The following USP34 variants were observed in gnomAD, a reference collection of about 807,000 sequenced individuals.
USP34 encodes ubiquitin specific peptidase 34.
USP34 carries 70 observed loss-of-function variants against 460.3 expected under a neutral mutation model. The ratio of observed to expected loss-of-function variants is 0.15; its 90% CI spans 0.13 to 0.19. The LOEUF is 0.19. USP34 is among the 10% of genes least tolerant of loss of function. The probability of loss-of-function intolerance (pLI) is 1.00; values close to 1 mark genes in which losing one functional copy is unlikely to be tolerated. For synonymous variants in USP34, 1,647 were observed against 1,405.3 expected (o/e 1.17, Z -3.85); for missense variants, 3,985 against 4,236.2 (o/e 0.94, Z 1.65).
chr2:61,405,685 T>C, intron 3 of USP34, 23 bp downstream of exon 3: 1 of 1,502,166 alleles, frequency 6.7e-7, no homozygotes, highest in Non-Finnish European at 8.9e-7. Flanking sequence ...TTACTTAAAA[T>C]TCACACCACC....
At chr2:61,273,570 T>C (rs758708370) in intron 41 of USP34, among the ~76,000 whole-genome samples, 50 of 152,026 alleles carry the variant, frequency 3.3e-4, no homozygotes, top group Admixed American at 5.9e-4. Flanking sequence ...ATACTAAAAT[T>C]AGCTGGGTGT....
intron 43 of USP34, among the ~76,000 whole-genome samples, chr2:61,264,948 C>G (rs1004332076): frequency 6.6e-6 from 1 of 152,152 alleles, no homozygotes; most frequent in Non-Finnish European, 1.5e-5. Flanking sequence ...AGAGCTTACA[C>G]AAACAAATTA....
At chr2:61,324,929 A>G (rs1204955484) in intron 21 of USP34, among the ~76,000 whole-genome samples, 1 of 152,164 alleles carries the variant, frequency 6.6e-6, no homozygotes, top group Non-Finnish European at 1.5e-5. Context: ...AAAGAATGAA[A>G]TCATGTCCTT....
chr2:61,335,342 G>A (rs1558535516), intron 18 of USP34, among the ~76,000 whole-genome samples: 1 of 152,178 alleles, frequency 6.6e-6, no homozygotes, highest in Non-Finnish European at 1.5e-5. Flanking sequence ...AAAGGGAAGT[G>A]TTATAGTCAA....
intron 1 of USP34, among the ~76,000 whole-genome samples, chr2:61,469,321 T>C (rs997727336): frequency 6.6e-6 from 1 of 152,220 alleles, no homozygotes; most frequent in Non-Finnish European, 1.5e-5. Context: ...ATCACACGAC[T>C]TGTATGTGAG....
rs769258551 is a variant in USP34, at chr2:61,236,272, T to G, written c.6843-36A>C. On this transcript the variant is annotated intron_variant, in intron 54 of 79. Coordinates refer to ENST00000398571, the MANE Select transcript of USP34 (RefSeq NM_014709.4). ...AAAATAATCATTTAAAATTCACACG[T>G]AAGATTTTTTTAAAATGTGTAAAAT... The G allele has an allele frequency of 1.3e-5, 20 of 1,595,164 alleles. No homozygotes were observed. The South Asian group carries it at 1.3e-4, about 10-fold the overall frequency.
chr2:61,462,237 C>T (rs1695622087), intron 1 of USP34, among the ~76,000 whole-genome samples: 3 of 139,472 alleles, frequency 2.2e-5, no homozygotes, highest in African/African-American at 8.1e-5. Flanking sequence ...AAGACTCCAT[C>T]TCAGGGGGAA....
chr2:61,231,680 C>T (rs1169881870), intron 58 of USP34, among the ~76,000 whole-genome samples: 1 of 151,704 alleles, frequency 6.6e-6, no homozygotes, highest in Non-Finnish European at 1.5e-5. Flanking sequence ...TACCACCGCA[C>T]TACAGCCAGG....
At chr2:61,448,435 G>C (rs1235072684) in intron 1 of USP34, among the ~76,000 whole-genome samples, 1 of 152,184 alleles carries the variant, frequency 6.6e-6, no homozygotes, top group Non-Finnish European at 1.5e-5. Flanking sequence ...AGGAAACAGA[G>C]TGAGTGAGGC....
At chr2:61,423,901 G>A (rs965158377) in intron 1 of USP34, among the ~76,000 whole-genome samples, 1 of 152,184 alleles carries the variant, frequency 6.6e-6, no homozygotes, top group African/African-American at 2.4e-5. Flanking sequence ...ACGCTATAGT[G>A]AGATATGATC....
At chr2:61,343,407 C>T (rs1376060649) in intron 16 of USP34, among the ~76,000 whole-genome samples, 1 of 152,106 alleles carries the variant, frequency 6.6e-6, no homozygotes, top group East Asian at 1.9e-4. Context: ...CAACCACTAA[C>T]CTTCTGCCTG....
chr2:61,368,470 G>C (rs1207782660), intron 10 of USP34, among the ~76,000 whole-genome samples: 1 of 151,740 alleles, frequency 6.6e-6, no homozygotes, highest in Non-Finnish European at 1.5e-5. Context: ...TGTGTAGCAA[G>C]AATTTCCAAA....
At chr2:61,189,217 A>T (rs1337390120) in intron 78 of USP34, 148 bp from the exon 79 acceptor site, 10 of 825,996 alleles carry the variant, frequency 1.2e-5, no homozygotes, top group South Asian at 2.1e-5. Context: ...GAATGATAAA[A>T]CCAGAAAGCC....
At chr2:61,455,224 C>G (rs1359580592) in intron 1 of USP34, among the ~76,000 whole-genome samples, 6 of 151,048 alleles carry the variant, frequency 4.0e-5, no homozygotes, top group Admixed American at 6.6e-5. Context: ...TGTCACCCAA[C>G]CTGGAGTGCA....
At chr2:61,382,419 CTACAA>C (rs1371373532) in intron 6 of USP34, among the ~76,000 whole-genome samples, 1 of 152,190 alleles carries the variant, frequency 6.6e-6, no homozygotes, top group Non-Finnish European at 1.5e-5. Flanking sequence ...CATGTTCCTT[CTACAA>C]TACGTCTTTC....
At chr2:61,301,908 C>G (rs373030256) in intron 27 of USP34, among the ~76,000 whole-genome samples, 2 of 151,308 alleles carry the variant, frequency 1.3e-5, no homozygotes, top group Non-Finnish European at 2.9e-5. Flanking sequence ...GTTAACACCT[C>G]ATATTTGTTA....
At chr2:61,453,994 T>C (rs946682104) in intron 1 of USP34, among the ~76,000 whole-genome samples, 1 of 152,018 alleles carries the variant, frequency 6.6e-6, no homozygotes. Context: ...TAAAAAACAG[T>C]AGGTAAGTAT....
intron 1 of USP34, among the ~76,000 whole-genome samples, chr2:61,423,410 A>C (rs1434269562): frequency 6.6e-6 from 1 of 152,116 alleles, no homozygotes; most frequent in Non-Finnish European, 1.5e-5. Context: ...TTTCTAATAC[A>C]CTAACAATGA....
At chr2:61,428,133 C>T (rs1028519255) in intron 1 of USP34, among the ~76,000 whole-genome samples, 1 of 150,012 alleles carries the variant, frequency 6.7e-6, no homozygotes, top group African/African-American at 2.5e-5. Flanking sequence ...CCACTGCCCT[C>T]CAGCCTGAGC....
Sources: gnomAD v4.1 joint callset for allele counts (sites outside exome capture counted in the v4.1 genomes callset) on GRCh38, gnomAD v4.1.1 for gene constraint, MANE v1.5 for transcripts, NCBI Gene and HGNC (gene_info 2026-07-23, HGNC 2026-07-21) for gene names.